Variants in KLRD1 observed in about 807,000 individuals in gnomAD.
The protein encoded by KLRD1 is killer cell lectin like receptor D1, also known as natural killer cells antigen CD94.
A neutral mutation model predicts 22.6 loss-of-function variants in KLRD1; 21 were observed. That is an observed-to-expected ratio of 0.93 (90% CI 0.66 to 1.34). The LOEUF (loss-of-function observed/expected upper bound fraction) is 1.34. KLRD1 is among the 40% of genes most tolerant of loss of function. The probability of loss-of-function intolerance (pLI) is 0.00; values close to 1 mark genes in which losing one functional copy is unlikely to be tolerated. For missense variants in KLRD1, 183 were observed against 208.6 expected (o/e 0.88, Z 0.76); for synonymous variants, 59 against 71.1 (o/e 0.83, Z 0.85).
rs1431434341 is a variant in KLRD1 at position 10,324,163 on chromosome 12, A to G, written c.*9370A>G. ...AGGCGTGAGCCACCACATCCAGCCG[A>G]TTCCTTTTTACTTCTGAGAGTCTTC... is the stretch of plus-strand genomic sequence containing the variant. On this transcript the variant is annotated 3_prime_UTR_variant, in exon 6 of 6. Coordinates refer to ENST00000336164, the MANE Select transcript of KLRD1 (RefSeq NM_002262.5). 1 of 152,136 alleles carries G rather than the reference A, an allele frequency of 6.6e-6. No homozygotes were observed. The highest frequency in any genetic ancestry group is 2.4e-5 in the African/African-American group (1 of 41,404). The allele number at this position is 152,136 out of a possible 1,614,324, so 9.4% of individuals were successfully genotyped here.
intron 1 of KLRD1, among the ~76,000 whole-genome samples, chr12:10,291,307 A>G (rs1052387473): frequency 1.3e-5 from 2 of 152,160 alleles, no homozygotes; most frequent in African/African-American, 2.4e-5. Context: ...TAAGACAACA[A>G]TGAAGTTTGC....
chr12:10,311,825 A>G, intron 4 of KLRD1: 1 of 416,496 alleles, frequency 2.4e-6, no homozygotes, highest in East Asian at 3.6e-5. Context: ...ACAAATCAAG[A>G]TAGGTGCCAA....
intron 1 of KLRD1, among the ~76,000 whole-genome samples, chr12:10,243,872 C>T (rs961112028): frequency 6.6e-6 from 1 of 152,012 alleles, no homozygotes; most frequent in African/African-American, 2.4e-5. Context: ...ACAATGATTC[C>T]GTGTTTATTT....
At chr12:10,309,757 C>A in intron 3 of KLRD1, 69 bp downstream of exon 3, 3 of 1,061,428 alleles carry the variant, frequency 2.8e-6, no homozygotes, top group Admixed American at 3.6e-5. Flanking sequence ...GTTTTTCACA[C>A]AGAGAGGCAT....
chr12:10,279,365 A>G (rs1949620433), intron 1 of KLRD1, among the ~76,000 whole-genome samples: 1 of 152,152 alleles, frequency 6.6e-6, no homozygotes, highest in South Asian at 2.1e-4. Flanking sequence ...TGGCTGTTTT[A>G]GTCACTTACA....
upstream of KLRD1, among the ~76,000 whole-genome samples, chr12:10,302,258 T>G (rs1380004496): frequency 6.6e-6 from 1 of 152,186 alleles, no homozygotes; most frequent in Non-Finnish European, 1.5e-5. Flanking sequence ...TTCTGCAAAA[T>G]GCAATAAAGT....
intron 3 of KLRD1, 144 bp downstream of exon 3, chr12:10,309,832 G>A (rs7980604): frequency 0.98 from 606,588 of 620,272 alleles, 297,908 homozygotes; most frequent in East Asian, 1. Flanking sequence ...ATTTTACATT[G>A]CTCAATCTAA....
At chr12:10,307,780 C>A, upstream of KLRD1, 1 of 301,422 alleles carries the variant, frequency 3.3e-6, no homozygotes, top group African/African-American at 2.2e-5. Flanking sequence ...TTAGTCCTTG[C>A]CAAAGTGTTA....
rs567448611 is a variant in KLRD1, at chr12:10,324,532, C to T, written c.*9739C>T. The T allele has an allele frequency of 3.0e-4, 45 of 151,856 alleles. No individual in the cohort carries two copies. Among genetic ancestry groups the T allele is most frequent in the African/African-American group, 1.1e-3 (44 of 41,428 alleles). 9.4% of individuals were successfully genotyped at this position (151,856 alleles called of 1,614,324 possible). On this transcript the variant is annotated 3_prime_UTR_variant, in exon 6 of 6. Coordinates refer to ENST00000336164, the MANE Select transcript of KLRD1 (RefSeq NM_002262.5). ...CCATTGATTTGCTTAGGATAATGGC[C>T]TCTAGTTCTATCCATGTTCCTGCAA... is the stretch of plus-strand genomic sequence containing the variant.
Position 10,313,883 on chromosome 12 carries a change from G to A in KLRD1, c.419+370G>A, listed in dbSNP as rs1238279727. 8.5e-5 allele frequency among the ~76,000 whole-genome samples: 13 copies of A among 152,098 alleles called. 1 individual carries two copies. In the South Asian group the frequency reaches 2.5e-3, roughly 29 times the overall value. On this transcript the variant is annotated intron_variant, in intron 5 of 5. Transcript: ENST00000336164. ...AAAACATTACAAATCTCCAGAAAGT[G>A]CAATGCATAAGCTCTCTTAGTTCAA...
At chr12:10,305,655 C>T (rs958590936), upstream of KLRD1, among the ~76,000 whole-genome samples, 1 of 152,052 alleles carries the variant, frequency 6.6e-6, no homozygotes, top group African/African-American at 2.4e-5. Flanking sequence ...TCAGCACTTC[C>T]GGATTAGCAT....
rs370695330 is a variant in KLRD1 at position 10,309,674 on chromosome 12, T to C, written c.149T>C (p.Ile50Thr). The C allele has an allele frequency of 7.4e-6, 12 of 1,612,366 alleles. No individual in the cohort carries two copies. In the African/African-American group the frequency reaches 1.3e-4, roughly 18 times the overall value. Residue 50 changes from isoleucine (I) to threonine (T), a missense_variant, in exon 3 of 6, where the codon ATA becomes ACA. Ile to Thr is a moderately conservative substitution (Grantham distance 89, BLOSUM62 -1). Coordinates refer to ENST00000336164, the MANE Select transcript of KLRD1 (RefSeq NM_002262.5). ...IEPAFTPGPN[I>T]ELQKDSDCCS... Reference sequence around the variant, plus strand: ...CCAGCATTTACTCCAGGACCCAACATAGAACTCCAGAAAGGTAGGTCACAT... The same window carrying C: ...CCAGCATTTACTCCAGGACCCAACACAGAACTCCAGAAAGGTAGGTCACAT...
intron 1 of KLRD1, among the ~76,000 whole-genome samples, chr12:10,239,302 G>A (rs894257721): frequency 6.6e-6 from 1 of 152,114 alleles, no homozygotes; most frequent in Non-Finnish European, 1.5e-5. Context: ...AATAAGCCCA[G>A]GTACCACAAA....
At chr12:10,280,815 C>T (rs892067568) in intron 1 of KLRD1, among the ~76,000 whole-genome samples, 2 of 152,076 alleles carry the variant, frequency 1.3e-5, no homozygotes, top group Non-Finnish European at 2.9e-5. Flanking sequence ...TGTTGAGAAT[C>T]CTGCCCCCAG....
chr12:10,255,956 T>C (rs1012196225), intron 1 of KLRD1, among the ~76,000 whole-genome samples: 8 of 152,146 alleles, frequency 5.3e-5, no homozygotes, highest in African/African-American at 1.9e-4. Context: ...AGCTATCTAT[T>C]TGTCTCTTCA....
upstream of KLRD1, among the ~76,000 whole-genome samples, chr12:10,300,132 C>G (rs185335563): frequency 6.6e-6 from 1 of 152,188 alleles, no homozygotes; most frequent in Non-Finnish European, 1.5e-5. Flanking sequence ...TTTTTGACTT[C>G]CTTCCATGAA....
chr12:10,256,373 T>C (rs1012060824), intron 1 of KLRD1, among the ~76,000 whole-genome samples: 45 of 151,458 alleles, frequency 3.0e-4, no homozygotes, highest in Non-Finnish European at 8.9e-5. Flanking sequence ...GGGTGTCTTA[T>C]AGTTATTTTC....
At chr12:10,245,661 C>T (rs908608122) in intron 1 of KLRD1, among the ~76,000 whole-genome samples, 36 of 152,222 alleles carry the variant, frequency 2.4e-4, no homozygotes, top group African/African-American at 8.2e-4. Flanking sequence ...TACTTGTCCT[C>T]ATTGAGCCAA....
At chr12:10,256,639 A>AT (rs537560337) in intron 1 of KLRD1, among the ~76,000 whole-genome samples, 94 of 152,068 alleles carry the variant, frequency 6.2e-4, no homozygotes, top group African/African-American at 2.1e-3. Context: ...ATCATAAATT[A>AT]CATCTGTATT....
Sources: gnomAD v4.1 joint callset for allele counts (sites outside exome capture counted in the v4.1 genomes callset) on GRCh38, gnomAD v4.1.1 for gene constraint, MANE v1.5 for transcripts, NCBI Gene and HGNC (gene_info 2026-07-23, HGNC 2026-07-21) for gene names.